Variants in HOMER1 observed in about 807,000 individuals in gnomAD.
HOMER1 encodes homer scaffold protein 1.
In HOMER1, 3 loss-of-function variants were observed where a neutral mutation model predicts 48.9. The ratio of observed to expected loss-of-function variants is 0.06; its 90% confidence interval spans 0.03 to 0.16. HOMER1 has a LOEUF of 0.16. Ranked by LOEUF, HOMER1 falls within the 10% of genes least tolerant of loss-of-function variation. HOMER1 has a pLI of 1.00. For synonymous variants in HOMER1, 134 were observed against 146.4 expected (o/e 0.92, Z 0.61); for missense variants, 247 against 411.4 (o/e 0.60, Z 3.46).
intron 1 of HOMER1, among the ~76,000 whole-genome samples, chr5:79,493,187 G>T (rs2112361619): frequency 6.6e-6 from 1 of 152,088 alleles, no homozygotes; most frequent in South Asian, 2.1e-4. Context: ...CAAAGTGCTG[G>T]GATTACAGGC....
intron 1 of HOMER1, among the ~76,000 whole-genome samples, chr5:79,498,857 CAG>C (rs1752496406): frequency 7.3e-6 from 1 of 136,480 alleles, no homozygotes; most frequent in South Asian, 2.4e-4. Flanking sequence ...TTTTTTCAGA[CAG>C]AGTCTCGCTC....
In HOMER1 at chr5:79,375,369, C is replaced by T. The variant is rs1008030401; in HGVS notation, c.*640G>A. On this transcript the variant is annotated 3_prime_UTR_variant, in exon 9 of 9. Transcript: ENST00000334082. ...ATACAACAGACAAGATTAGAGAACA[C>T]CAGAGTGTACCAGAGTAGTCACCAG... 7 of 152,062 alleles carry T rather than the reference C, an allele frequency of 4.6e-5. No individual in the cohort carries two copies. The South Asian group carries it at 6.2e-4, about 14-fold the overall frequency. The allele number at this position is 152,062 out of a possible 1,614,324, so 9.4% of individuals were successfully genotyped here. A position where few individuals can be genotyped will look rare whatever the true frequency, so the allele number is the denominator to read the frequency against.
intron 5 of HOMER1, among the ~76,000 whole-genome samples, chr5:79,404,123 T>C (rs563260020): frequency 4.1e-4 from 62 of 152,306 alleles, no homozygotes; most frequent in East Asian, 3.5e-3. Context: ...AATCTGACGA[T>C]TGACATCTTA....
chr5:79,495,166 T>C (rs994957264), intron 1 of HOMER1, among the ~76,000 whole-genome samples: 3 of 152,174 alleles, frequency 2.0e-5, no homozygotes, highest in African/African-American at 7.2e-5. Flanking sequence ...TCAAAAATAT[T>C]TGAAAACCAT....
chr5:79,443,463 G>A (rs2112282311), intron 4 of HOMER1, among the ~76,000 whole-genome samples: 1 of 152,038 alleles, frequency 6.6e-6, no homozygotes, highest in African/African-American at 2.4e-5. Flanking sequence ...AGTCTTTCAG[G>A]GAATTCTGAT....
intron 2 of HOMER1, among the ~76,000 whole-genome samples, chr5:79,455,188 C>T (rs1227298271): frequency 2.6e-5 from 4 of 152,024 alleles, no homozygotes; most frequent in African/African-American, 7.2e-5. Flanking sequence ...CCTCATGCCT[C>T]GGCCTCCCAA....
rs139407396 is a variant in HOMER1 at position 79,505,760 on chromosome 5, G to A, written c.5+7010C>T. Among the ~76,000 whole-genome samples, 207 of 152,168 alleles carry A rather than the reference G, an allele frequency of 1.4e-3. 1 individual carries two copies. Among genetic ancestry groups the A allele is most frequent in the African/African-American group, 4.7e-3 (197 of 41,526 alleles). ...AAACATTGATTAGATTACTGGTTTT[G>A]GGGGGTTTTATAAACAATTTTATTT... On this transcript the variant is annotated intron_variant, in intron 1 of 8. Transcript: ENST00000334082.
At chr5:79,427,209 TAATGC>T in intron 5 of HOMER1, among the ~76,000 whole-genome samples, 1 of 152,332 alleles carries the variant, frequency 6.6e-6, no homozygotes, top group South Asian at 2.1e-4. Context: ...GACATTTATA[TAATGC>T]AATAAGGAAA....
chr5:79,410,209 G>C (rs927339955), intron 5 of HOMER1, among the ~76,000 whole-genome samples: 1 of 151,850 alleles, frequency 6.6e-6, no homozygotes, highest in Admixed American at 6.6e-5. Context: ...ATACAACTTA[G>C]GGCCAGGCAT....
At chr5:79,478,164 C>G (rs1362265765) in intron 1 of HOMER1, among the ~76,000 whole-genome samples, 1 of 152,162 alleles carries the variant, frequency 6.6e-6, no homozygotes. Context: ...CTTTCTATTA[C>G]TGTTCTGTAC....
At chr5:79,479,621 T>A (rs1751890220) in intron 1 of HOMER1, among the ~76,000 whole-genome samples, 1 of 152,202 alleles carries the variant, frequency 6.6e-6, no homozygotes, top group African/African-American at 2.4e-5. Flanking sequence ...CACTTTGATT[T>A]CAGCCCAGTT....
At chr5:79,486,769 G>A (rs1187589552) in intron 1 of HOMER1, among the ~76,000 whole-genome samples, 1 of 152,184 alleles carries the variant, frequency 6.6e-6, no homozygotes, top group Non-Finnish European at 1.5e-5. Context: ...CCCAGGTTAT[G>A]CAGATTCCTA....
At chr5:79,404,454 T>C (rs1034699556) in intron 5 of HOMER1, among the ~76,000 whole-genome samples, 1 of 152,224 alleles carries the variant, frequency 6.6e-6, no homozygotes, top group East Asian at 1.9e-4. Flanking sequence ...CTCAGTTCTT[T>C]ATATGTCAAA....
chr5:79,456,782 TA>T, intron 2 of HOMER1, 79 bp downstream of exon 2: 1 of 1,218,308 alleles, frequency 8.2e-7, no homozygotes, highest in Non-Finnish European at 1.2e-6. Flanking sequence ...TTAATGAAGA[TA>T]AAATGTTCTG....
intron 1 of HOMER1, among the ~76,000 whole-genome samples, chr5:79,492,901 CTTTGTCTT>C (rs1381948394): frequency 2.0e-4 from 26 of 127,088 alleles, no homozygotes; most frequent in African/African-American, 7.1e-4. Flanking sequence ...AAAACGAAAA[CTTTGTCTT>C]TTTTTTTTTT....
chr5:79,377,647 A>T (rs1053676918), intron 8 of HOMER1, among the ~76,000 whole-genome samples: 32 of 152,230 alleles, frequency 2.1e-4, no homozygotes, highest in Non-Finnish European at 1.2e-4. Flanking sequence ...AAGGAATTCT[A>T]TCAAGTCTAA....
At chr5:79,474,725 G>A (rs945349849) in intron 1 of HOMER1, among the ~76,000 whole-genome samples, 3 of 151,484 alleles carry the variant, frequency 2.0e-5, no homozygotes, top group African/African-American at 4.9e-5. Flanking sequence ...CAACTATCCT[G>A]TTTTACCTTG....
At chr5:79,490,868 T>C (rs1214222146) in intron 1 of HOMER1, among the ~76,000 whole-genome samples, 1 of 150,024 alleles carries the variant, frequency 6.7e-6, no homozygotes, top group Non-Finnish European at 1.5e-5. Flanking sequence ...GGCAGAAGAA[T>C]CCCTTGAGCC....
In HOMER1 at chr5:79,462,677, T is replaced by G. The variant is rs1017372445; in HGVS notation, c.6-5659A>C. 3.3e-5 allele frequency among the ~76,000 whole-genome samples: 5 copies of G among 152,286 alleles called. No individual in the cohort carries two copies. The East Asian group carries it at 9.6e-4, about 29-fold the overall frequency. ...AAAAAACTATTTTCCAGGAGATACATAAGTTTTGGTCTAGAAAAAAAGCAG... is the reference window on the plus strand; with the variant it reads ...AAAAAACTATTTTCCAGGAGATACAGAAGTTTTGGTCTAGAAAAAAAGCAG... On this transcript the variant is annotated intron_variant, in intron 1 of 8. Transcript: ENST00000334082.
Sources: gnomAD v4.1 joint callset for allele counts (sites outside exome capture counted in the v4.1 genomes callset) on GRCh38, gnomAD v4.1.1 for gene constraint, MANE v1.5 for transcripts, NCBI Gene and HGNC (gene_info 2026-07-23, HGNC 2026-07-21) for gene names.